Variants in CNOT9 observed in about 807,000 individuals in gnomAD.
CNOT9 encodes the protein RCD1 required for cell differentiation1 homolog.
In CNOT9, 8 loss-of-function variants were observed where a neutral mutation model predicts 37.4. That is an observed-to-expected ratio of 0.21 (90% CI 0.13 to 0.39). The LOEUF is 0.39. CNOT9 is among the 10% of genes least tolerant of loss of function. The pLI, the probability that CNOT9 is intolerant of heterozygous loss-of-function variation, is 1.00. For synonymous variants in CNOT9, 120 were observed against 137.6 expected, an observed-to-expected ratio of 0.87 and a Z score of 0.90; for missense variants, 154 against 365.3, an observed-to-expected ratio of 0.42 and a Z score of 4.71.
chr2:218,593,519 CT>C, intron 7 of CNOT9: 8 of 1,481,708 alleles, frequency 5.4e-6, no homozygotes, highest in Admixed American at 4.2e-5. Context: ...TAACATTTAC[CT>C]TTTTTAGGTT....
At chr2:218,589,276 T>A (rs1694697978) in intron 5 of CNOT9, 1 of 152,216 alleles carries the variant, frequency 6.6e-6, no homozygotes, top group Non-Finnish European at 1.5e-5. Flanking sequence ...ACTAATCTTC[T>A]CTGTGTTGTT....
chr2:218,594,314 G>A lies in CNOT9; in HGVS notation c.*38G>A, dbSNP rs1201200980. On this transcript the variant is annotated 3_prime_UTR_variant, in exon 8 of 8. Coordinates refer to ENST00000273064, the MANE Select transcript of CNOT9 (RefSeq NM_005444.3). ...CCCTCCCACTACTCCCCCAAGTTGG[G>A]GAAAGGAGGGGGAACCTACGAGAAA... 6.4e-7 allele frequency: 1 copy of A among 1,564,078 alleles called. No homozygotes were observed. Among genetic ancestry groups the A allele is most frequent in the Non-Finnish European group, 8.7e-7 (1 of 1,152,196 alleles).
In CNOT9 at chr2:218,595,072, C is replaced by G. The variant is rs1046157312; in HGVS notation, c.*796C>G. ...TTCTGGCTTTAGCTGCTAGTTTTCCCAAATCTCAGTGCTTTCCCTTTTTGA... is the reference window on the plus strand; with the variant it reads ...TTCTGGCTTTAGCTGCTAGTTTTCCGAAATCTCAGTGCTTTCCCTTTTTGA... On this transcript the variant is annotated 3_prime_UTR_variant, in exon 8 of 8. Transcript: ENST00000273064. 2.0e-5 allele frequency: 3 copies of G among 152,096 alleles called. No individual in the cohort carries two copies. Among genetic ancestry groups the G allele is most frequent in the African/African-American group, 7.3e-5 (3 of 41,344 alleles). The allele number at this position is 152,096 out of a possible 1,614,324, so 9.4% of individuals were successfully genotyped here. A position where few individuals can be genotyped will look rare whatever the true frequency, so the allele number is the denominator to read the frequency against.
intron 4 of CNOT9, among the ~76,000 whole-genome samples, chr2:218,586,210 T>G (rs1308436715): frequency 6.6e-6 from 1 of 152,162 alleles, no homozygotes; most frequent in Non-Finnish European, 1.5e-5. Context: ...GGCTGACTGC[T>G]ATGGACTGAA....
chr2:218,569,025 C>A (rs773628439), intron 1 of CNOT9, 47 bp downstream of exon 1: 173 of 1,605,346 alleles, frequency 1.1e-4, no homozygotes, highest in Non-Finnish European at 1.4e-4. Context: ...CTTTCTCAGA[C>A]CCACGTTTCG....
chr2:218,578,836 G>T (rs1407793143), intron 1 of CNOT9, among the ~76,000 whole-genome samples: 2 of 152,048 alleles, frequency 1.3e-5, no homozygotes, highest in Admixed American at 6.6e-5. Flanking sequence ...CTTAACCAAG[G>T]TCACAAACAT....
chr2:218,583,223 GTGTGTGTGTGTCTCTCTCTCTCTCTC>G (rs1694465677), intron 3 of CNOT9, 137 bp downstream of exon 3: 16 of 365,162 alleles, frequency 4.4e-5, no homozygotes, highest in African/African-American at 2.3e-4. Flanking sequence ...GTGTGTGTGT[GTGTGTGTGTGTCTCTCTCTCTCTCTC>G]TCTCTCTCTC....
intron 5 of CNOT9, among the ~76,000 whole-genome samples, chr2:218,587,925 C>G (rs1017638738): frequency 1.3e-5 from 2 of 152,190 alleles, no homozygotes; most frequent in African/African-American, 4.8e-5. Flanking sequence ...CAGGTAAATT[C>G]TAAGTATATT....
At chr2:218,589,077 AT>A (rs1226546214) in intron 5 of CNOT9, 1 of 151,756 alleles carries the variant, frequency 6.6e-6, no homozygotes, top group African/African-American at 2.4e-5. Context: ...ACTGCTGACA[AT>A]TTTGGGTAGT....
At chr2:218,573,111 A>C (rs1694053765) in intron 1 of CNOT9, among the ~76,000 whole-genome samples, 1 of 152,166 alleles carries the variant, frequency 6.6e-6, no homozygotes, top group Non-Finnish European at 1.5e-5. Context: ...TAAGGTCAGG[A>C]GTTCGAGACC....
At chr2:218,576,778 G>A (rs977313511) in intron 1 of CNOT9, among the ~76,000 whole-genome samples, 2 of 152,126 alleles carry the variant, frequency 1.3e-5, no homozygotes, top group African/African-American at 4.8e-5. Flanking sequence ...GATCAGCCTG[G>A]CCAACGTGGG....
intron 2 of CNOT9, 108 bp from the exon 3 acceptor site, chr2:218,582,863 A>G: frequency 1.5e-6 from 1 of 648,244 alleles, no homozygotes; most frequent in South Asian, 1.9e-5. Flanking sequence ...TAAAAGATGC[A>G]CAGAATTAAG....
intron 1 of CNOT9, among the ~76,000 whole-genome samples, chr2:218,577,285 G>A (rs1410902617): frequency 2.6e-5 from 4 of 152,280 alleles, no homozygotes; most frequent in South Asian, 2.1e-4. Flanking sequence ...ACTTACTGCT[G>A]TTATTAAATT....
intron 1 of CNOT9, among the ~76,000 whole-genome samples, chr2:218,573,299 CAA>C (rs1694061502): frequency 7.9e-6 from 1 of 127,218 alleles, no homozygotes; most frequent in African/African-American, 2.9e-5. Flanking sequence ...GCCTGGGCAA[CAA>C]GAGCGAAACT....
intron 4 of CNOT9, chr2:218,587,258 G>A (rs1441952571): frequency 6.1e-6 from 1 of 164,694 alleles, no homozygotes; most frequent in African/African-American, 2.4e-5. Flanking sequence ...GAGTAGCTGG[G>A]ATTACAGGAG....
chr2:218,591,365 G>A (rs1473524827), intron 5 of CNOT9, among the ~76,000 whole-genome samples: 1 of 152,164 alleles, frequency 6.6e-6, no homozygotes, highest in African/African-American at 2.4e-5. Context: ...AAGCTTCACA[G>A]CCAGGATATG....
chr2:218,585,450 G>A (rs562910273), intron 4 of CNOT9, among the ~76,000 whole-genome samples: 219 of 151,610 alleles, frequency 1.4e-3, no homozygotes, highest in Non-Finnish European at 1.7e-3. Context: ...GCATGTGCCT[G>A]TAGTCCCAGC....
intron 1 of CNOT9, among the ~76,000 whole-genome samples, chr2:218,570,163 C>T (rs1298512384): frequency 6.6e-6 from 1 of 152,144 alleles, no homozygotes. Flanking sequence ...AGAACATTGC[C>T]ATGATGGGGA....
At chr2:218,572,529 G>C (rs1025840334) in intron 1 of CNOT9, 1 of 207,930 alleles carries the variant, frequency 4.8e-6, no homozygotes, top group Non-Finnish European at 8.4e-6. Context: ...AACACAGTAG[G>C]AACCTATCTC....
Sources: allele counts gnomAD v4.1 joint callset (sites outside exome capture counted in the v4.1 genomes callset), GRCh38; gene constraint gnomAD v4.1.1; transcripts MANE v1.5; gene names NCBI Gene and HGNC (gene_info 2026-07-23, HGNC 2026-07-21).